Variants in PRKAR1B observed in about 807,000 individuals in gnomAD.
PRKAR1B encodes the protein cAMP-dependent protein kinase type I-beta regulatory subunit.
A neutral mutation model predicts 46.5 loss-of-function variants in PRKAR1B; 22 were observed. That is an observed-to-expected ratio of 0.47 (90% CI 0.34 to 0.68). PRKAR1B has a LOEUF of 0.68. Among genes scored for constraint, PRKAR1B ranks in the 30% least tolerant of loss-of-function variants. The probability of loss-of-function intolerance (pLI) is 0.01; values close to 1 mark genes in which losing one functional copy is unlikely to be tolerated. For missense variants in PRKAR1B, 445 were observed against 535.6 expected (o/e 0.83, Z 1.67); for synonymous variants, 259 against 217.7 (o/e 1.19, Z -1.67).
chr7:701,101 T>A (rs1276397199), intron 2 of PRKAR1B, among the ~76,000 whole-genome samples: 2 of 150,820 alleles, frequency 1.3e-5, no homozygotes, highest in African/African-American at 4.9e-5. Flanking sequence ...GGCAGGAGAA[T>A]CTCCTGAACC....
chr7:693,625 G>A (rs758453324), intron 2 of PRKAR1B, among the ~76,000 whole-genome samples: 2 of 152,188 alleles, frequency 1.3e-5, no homozygotes, highest in Non-Finnish European at 2.9e-5. Flanking sequence ...TGCGTGGAGA[G>A]GCCACACTGT....
Position 602,737 on chromosome 7 carries a change from C to T in PRKAR1B, c.549+3456G>A, listed in dbSNP as rs570643774. The T allele has an allele frequency of 4.2e-4, 72 of 169,736 alleles. 2 individuals carry two copies. Among genetic ancestry groups the T allele is most frequent in the Middle Eastern group, 2.6e-3 (5 of 1,908 alleles). The allele number at this position is 169,736 out of a possible 1,614,324, so 10.5% of individuals were successfully genotyped here. Reference sequence around the variant, plus strand: ...GAGACGGGGCGGGGCAGCTGCCAGGCGGCCAATGGCTTCCACACCAGGGGC... The same window carrying T: ...GAGACGGGGCGGGGCAGCTGCCAGGTGGCCAATGGCTTCCACACCAGGGGC... On this transcript the variant is annotated intron_variant, in intron 6 of 10. Coordinates refer to ENST00000537384, the MANE Select transcript of PRKAR1B (RefSeq NM_001164760.2). The surrounding 1 kb of genome is among the most constrained non-coding windows in gnomAD (Gnocchi z 6.4).
chr7:727,183 C>T (rs1781351712), intron 1 of PRKAR1B, 27 bp downstream of exon 1: 1 of 1,339,312 alleles, frequency 7.5e-7, no homozygotes, highest in Non-Finnish European at 9.6e-7. Flanking sequence ...GGCCGTGGAC[C>T]TGTGCGGCGC....
chr7:612,746 G>C (rs1036698820), intron 4 of PRKAR1B, among the ~76,000 whole-genome samples: 1 of 147,580 alleles, frequency 6.8e-6, no homozygotes, highest in Non-Finnish European at 1.5e-5. Flanking sequence ...TCCACATTTA[G>C]GAACTTGAAG....
In PRKAR1B at chr7:648,643, C is replaced by T. The variant is rs569878873; in HGVS notation, c.440+28586G>A. ...CAAACAAACAAAAAAATTAGCCAGG[C>T]GTGGTGGCAGTGCCTGTAATCCCAG... On this transcript the variant is annotated intron_variant, in intron 4 of 10. Coordinates refer to ENST00000537384, the MANE Select transcript of PRKAR1B (RefSeq NM_001164760.2). Among the ~76,000 whole-genome samples the T allele has an allele frequency of 8.6e-5, 13 of 151,420 alleles. No individual in the cohort carries two copies. In the East Asian group the frequency reaches 9.8e-4, roughly 11 times the overall value.
intron 9 of PRKAR1B, among the ~76,000 whole-genome samples, chr7:558,328 GAAAAA>G (rs997641029): frequency 2.3e-4 from 16 of 70,230 alleles, no homozygotes; most frequent in Non-Finnish European, 2.9e-4. Flanking sequence ...CCTGTCTCAG[GAAAAA>G]AAAAAAAAAA....
At chr7:565,188 G>A (rs1289638881) in intron 9 of PRKAR1B, 3 of 152,264 alleles carry the variant, frequency 2.0e-5, no homozygotes, top group Non-Finnish European at 4.4e-5. Flanking sequence ...CTTGGATGCT[G>A]AAGAGCAGGC....
intron 1 of PRKAR1B, among the ~76,000 whole-genome samples, chr7:715,972 C>T (rs945694596): frequency 5.9e-5 from 9 of 152,148 alleles, no homozygotes; most frequent in African/African-American, 2.2e-4. Context: ...GCCTTGGCCT[C>T]CCAAAGTGCT....
chr7:570,379 G>A (rs1184776736), intron 9 of PRKAR1B, among the ~76,000 whole-genome samples: 1 of 152,176 alleles, frequency 6.6e-6, no homozygotes, highest in African/African-American at 2.4e-5. Flanking sequence ...GAGCTCGGGG[G>A]GCCTGGGAGC....
intron 7 of PRKAR1B, among the ~76,000 whole-genome samples, chr7:590,032 G>A (rs1440761659): frequency 2.6e-5 from 4 of 152,240 alleles, no homozygotes; most frequent in African/African-American, 7.2e-5. Flanking sequence ...GGGAGAGGGG[G>A]CTCAACACCA....
At chr7:711,229 A>C (rs1780608295) in intron 2 of PRKAR1B, 100 bp downstream of exon 2, 1 of 1,489,456 alleles carries the variant, frequency 6.7e-7, no homozygotes, top group African/African-American at 1.4e-5. Flanking sequence ...TGGGGCACCC[A>C]GCCTTCGAGG....
chr7:591,167 G>T (rs1389922602), intron 7 of PRKAR1B, among the ~76,000 whole-genome samples: 1 of 152,234 alleles, frequency 6.6e-6, no homozygotes, highest in Non-Finnish European at 1.5e-5. Context: ...AGGCTGCCAG[G>T]GGCCCCCGGG....
chr7:645,054 A>AT lies in PRKAR1B; in HGVS notation c.440+32174dup, dbSNP rs1229406955. Among the ~76,000 whole-genome samples, 8 of 152,200 alleles carry AT rather than the reference A, an allele frequency of 5.3e-5. 1 individual carries two copies. The highest frequency in any genetic ancestry group is 1.0e-4 in the Non-Finnish European group (7 of 68,032). On this transcript the variant is annotated intron_variant, in intron 4 of 10. Coordinates refer to ENST00000537384, the MANE Select transcript of PRKAR1B (RefSeq NM_001164760.2). ...CCCCGTGATTCACTGCAGATCCCTG[A>AT]TTTAGAAATCCGGAAGAGAAATCTG...
intron 4 of PRKAR1B, among the ~76,000 whole-genome samples, chr7:639,083 G>GATAA (rs71762415): frequency 0.16 from 24,311 of 151,708 alleles, 2,187 homozygotes; most frequent in South Asian, 0.29. Context: ...GTCTCAAAAA[G>GATAA]ATAAATAAAA....
chr7:699,471 C>A (rs924126331), intron 2 of PRKAR1B, among the ~76,000 whole-genome samples: 2 of 152,076 alleles, frequency 1.3e-5, no homozygotes, highest in African/African-American at 4.8e-5. Context: ...GGCAGTTACC[C>A]CCTCAGTCCA....
Position 597,968 on chromosome 7 carries a change from TC to T in PRKAR1B, c.550-1665del, listed in dbSNP as rs1781360951. ...GCCTCACAAACTCCCAGGGGACTCT[TC>T]CCCAGAGGGATCCGGAGCTCACCCT... On this transcript the variant is annotated intron_variant, in intron 6 of 10. Transcript: ENST00000537384. 4.6e-5 allele frequency among the ~76,000 whole-genome samples: 7 copies of T among 152,254 alleles called. 1 individual carries two copies. The South Asian group carries it at 1.5e-3, about 32-fold the overall frequency.
At chr7:577,316 T>C (rs1583233106) in intron 9 of PRKAR1B, among the ~76,000 whole-genome samples, 1 of 152,178 alleles carries the variant, frequency 6.6e-6, no homozygotes, top group African/African-American at 2.4e-5. Context: ...AAAATGATCC[T>C]CGTCACTGCC....
At chr7:685,860 T>C (rs1364695594) in intron 2 of PRKAR1B, among the ~76,000 whole-genome samples, 3 of 152,172 alleles carry the variant, frequency 2.0e-5, no homozygotes, top group African/African-American at 7.2e-5. Flanking sequence ...TTACAAAGCA[T>C]AAAAGGCATA....
intron 4 of PRKAR1B, among the ~76,000 whole-genome samples, chr7:668,209 A>G (rs1786040782): frequency 6.6e-6 from 1 of 152,216 alleles, no homozygotes; most frequent in African/African-American, 2.4e-5. Flanking sequence ...GGCAGCCTCA[A>G]AGTCAGGGGT....
Sources: allele counts gnomAD v4.1 joint callset (sites outside exome capture counted in the v4.1 genomes callset), GRCh38; gene constraint gnomAD v4.1.1; non-coding constraint Gnocchi (gnomAD v3.1); transcripts MANE v1.5; gene names NCBI Gene and HGNC (gene_info 2026-07-23, HGNC 2026-07-21).